The following ZNF91 variants were observed in gnomAD, a reference collection of about 807,000 sequenced individuals.
ZNF91 encodes the protein zinc finger protein 91, also known as zinc finger protein 91 (HPF7, HTF10).
Under a neutral mutation model 12.6 loss-of-function variants are expected in ZNF91, and 7 were observed. That is an observed-to-expected ratio of 0.55 (90% CI 0.31 to 1.04). The LOEUF (loss-of-function observed/expected upper bound fraction) is 1.04. Among genes scored for constraint, ZNF91 ranks in the 50% least tolerant of loss-of-function variants. The pLI is 0.05. For missense variants in ZNF91, 1,217 were observed against 1,385.4 expected (o/e 0.88, Z 1.93); for synonymous variants, 453 against 462.6 (o/e 0.98, Z 0.27).
At chr19:23,354,782 G>A (rs568071382), downstream of ZNF91, among the ~76,000 whole-genome samples, 7 of 152,218 alleles carry the variant, frequency 4.6e-5, no homozygotes, top group Admixed American at 4.6e-4. Flanking sequence ...TTCAGGATAC[G>A]AGATTAATGT....
rs1968772960 is a variant in ZNF91 at position 23,361,573 on chromosome 19, T to C, written c.1406A>G (p.Lys469Arg). The stretch of plus-strand genomic sequence containing the variant: ...TAGGGTTGAAGACCATATAAATGCT[T>C]TGCCACATTCTTTACATTTGAAGGG... Reference protein sequence around the residue: ...EKPFKCKECGKAFIWSSTLTR... With the variant: ...EKPFKCKECGRAFIWSSTLTR... Residue 469 changes from lysine (K) to arginine (R), a missense_variant, in exon 4 of 4, where the codon AAA becomes AGA. Lys to Arg is a conservative substitution (Grantham distance 26). Coordinates refer to ENST00000300619, the MANE Select transcript of ZNF91 (RefSeq NM_003430.4). The C allele has an allele frequency of 1.2e-6, 2 of 1,613,732 alleles. No homozygotes were observed. Among genetic ancestry groups the C allele is most frequent in the African/African-American group, 2.7e-5 (2 of 74,900 alleles).
At position 23,377,947 on chromosome 19, in the gene ZNF91, TCTG is replaced by T. The variant is rs546934022; in HGVS notation, c.31-3186_31-3184del. Among the ~76,000 whole-genome samples the T allele has an allele frequency of 3.0e-3, 411 of 137,118 alleles. 4 individuals are homozygous for T. Among genetic ancestry groups the T allele is most frequent in the African/African-American group, 0.011 (386 of 34,844 alleles). The allele number at this position is 137,118 out of a possible 152,430, so 90.0% of individuals were successfully genotyped here. A position where few individuals can be genotyped will look rare whatever the true frequency, so the allele number is the denominator to read the frequency against. On this transcript the variant is annotated intron_variant, in intron 1 of 3. Transcript: ENST00000300619. ...AGGATCCAGCATTTTTATTTCTTCT[TCTG>T]TTTTTGTCACTCATTTTTTTAAAAA...
chr19:23,309,068 A>T (rs1480031514), exon 2 of ZNF91: 2 of 148,902 alleles, frequency 1.3e-5, no homozygotes, highest in Non-Finnish European at 3.0e-5. Flanking sequence ...CATCATCTAG[A>T]TGATGTGACT....
chr19:23,390,853 C>T (rs967805599), intron 1 of ZNF91, among the ~76,000 whole-genome samples: 17 of 151,478 alleles, frequency 1.1e-4, no homozygotes, highest in South Asian at 2.1e-4. Context: ...GCTGGGATTA[C>T]AGGCATGAGC....
At chr19:23,310,830 C>T (rs1967458071), upstream of ZNF91, among the ~76,000 whole-genome samples, 1 of 152,218 alleles carries the variant, frequency 6.6e-6, no homozygotes. Context: ...AGCATTGTGA[C>T]ATATCGCTGG....
At chr19:23,337,945 C>T (rs1284655087), downstream of ZNF91, 7 of 151,886 alleles carry the variant, frequency 4.6e-5, no homozygotes, top group Non-Finnish European at 4.4e-5. Flanking sequence ...TAAAATAATA[C>T]ACTCAGACAA....
intron 1 of ZNF91, among the ~76,000 whole-genome samples, chr19:23,375,185 G>C (rs1320704297): frequency 6.6e-6 from 1 of 150,516 alleles, no homozygotes; most frequent in African/African-American, 2.4e-5. Context: ...TTTTGAGACA[G>C]AGTCTCACTC....
intron 1 of ZNF91, chr19:23,323,993 C>A: frequency 6.7e-6 from 1 of 148,564 alleles, no homozygotes. Flanking sequence ...CTTCTGCTCC[C>A]GATTCTCCTC....
rs1450130877 is a variant in ZNF91 at position 23,357,806 on chromosome 19, A to G, written c.*1597T>C. 1 of 152,180 alleles carries G rather than the reference A, an allele frequency of 6.6e-6. No homozygotes were observed. Among genetic ancestry groups the G allele is most frequent in the Non-Finnish European group, 1.5e-5 (1 of 68,022 alleles). 9.4% of individuals were successfully genotyped at this position (152,180 alleles called of 1,614,324 possible). A position where few individuals can be genotyped will look rare whatever the true frequency, so the allele number is the denominator to read the frequency against. ...AAAAATAACTAAAACTGTAGAATTG[A>G]ATTATTTGTAATACAAAGAATAAAT... On this transcript the variant is annotated 3_prime_UTR_variant, in exon 4 of 4. Transcript: ENST00000300619.
At chr19:23,384,993 G>A in intron 1 of ZNF91, 1 of 1,184,746 alleles carries the variant, frequency 8.4e-7, no homozygotes, top group Non-Finnish European at 1.3e-6. Flanking sequence ...AAGGTCAGGA[G>A]AAAAGCAGTC....
At chr19:23,325,675 C>T (rs367686891) in intron 1 of ZNF91, 1 of 152,362 alleles carries the variant, frequency 6.6e-6, no homozygotes, top group Admixed American at 6.5e-5. Flanking sequence ...CTCTCACCCC[C>T]ATGTCCAATC....
At chr19:23,349,101 C>T (rs1324075559) in intron 3 of ZNF91, among the ~76,000 whole-genome samples, 2 of 152,136 alleles carry the variant, frequency 1.3e-5, no homozygotes, top group East Asian at 1.9e-4. Context: ...GTGTGCCTAG[C>T]GGGACATGGA....
chr19:23,349,967 G>T (rs1968323843), intron 3 of ZNF91, among the ~76,000 whole-genome samples: 1 of 152,118 alleles, frequency 6.6e-6, no homozygotes, highest in Non-Finnish European at 1.5e-5. Context: ...TAGTTCATGG[G>T]GTTATTGCAC....
intron 3 of ZNF91, among the ~76,000 whole-genome samples, chr19:23,351,082 T>C (rs573451670): frequency 6.6e-6 from 1 of 152,212 alleles, no homozygotes; most frequent in South Asian, 2.1e-4. Flanking sequence ...TCCCAGCCCT[T>C]TGGGAGGCCG....
intron 3 of ZNF91, among the ~76,000 whole-genome samples, chr19:23,369,994 T>A (rs989512383): frequency 1.9e-5 from 2 of 103,186 alleles, no homozygotes; most frequent in African/African-American, 3.9e-5. Flanking sequence ...CACCCAAGAA[T>A]GATCAATAAA....
At chr19:23,374,430 G>A (rs1322603473) in intron 2 of ZNF91, among the ~76,000 whole-genome samples, 2 of 150,018 alleles carry the variant, frequency 1.3e-5, no homozygotes, top group African/African-American at 4.9e-5. Flanking sequence ...CATGGTGGTG[G>A]GCGCCTGTAG....
rs537681419 is a variant in ZNF91, at chr19:23,349,177, C to G, written c.254-10123G>C. On this transcript the variant is annotated intron_variant, in intron 3 of 3. Transcript: ENST00000599743. ...CTGCTCTACCCTTTTGCCTTGTGAT[C>G]TTTTATTGCCCTTTGAAGCATGTGA... Among the ~76,000 whole-genome samples the G allele has an allele frequency of 4.4e-4, 67 of 152,254 alleles. 1 individual carries two copies. In the Middle Eastern group the frequency reaches 0.014, roughly 31 times the overall value.
chr19:23,331,532 G>C (rs1967928040), intron 1 of ZNF91, among the ~76,000 whole-genome samples: 1 of 152,218 alleles, frequency 6.6e-6, no homozygotes, highest in Non-Finnish European at 1.5e-5. Context: ...GCCTCAGAAT[G>C]AGAGTGTGTG....
At chr19:23,364,728 TGACTAC>T (rs1283352691) in intron 3 of ZNF91, among the ~76,000 whole-genome samples, 1 of 152,116 alleles carries the variant, frequency 6.6e-6, no homozygotes, top group East Asian at 1.9e-4. Flanking sequence ...AAGAATTTTA[TGACTAC>T]TCAGCTACAC....
Sources: gnomAD v4.1 joint callset for allele counts (sites outside exome capture counted in the v4.1 genomes callset) on GRCh38, gnomAD v4.1.1 for gene constraint, MANE v1.5 for transcripts, NCBI Gene and HGNC (gene_info 2026-07-23, HGNC 2026-07-21) for gene names.